Variants in MMP26 observed in about 807,000 individuals in gnomAD.
MMP26 encodes the protein matrix metalloproteinase-26.
In MMP26, 33 loss-of-function variants were observed where a neutral mutation model predicts 31.0. The ratio of observed to expected loss-of-function variants is 1.06; its 90% confidence interval spans 0.81 to 1.42. The LOEUF (loss-of-function observed/expected upper bound fraction) is 1.42, where lower values mean the gene tolerates loss of function less well. Ranked by LOEUF, MMP26 falls within the 40% of genes most tolerant of loss-of-function variation. The pLI is 0.00. For missense variants in MMP26, 347 were observed against 316.1 expected (o/e 1.10, Z -0.74); for synonymous variants, 122 against 114.9 (o/e 1.06, Z -0.40).
At chr11:4,732,081 T>G (rs181071036) in intron 1 of MMP26, among the ~76,000 whole-genome samples, 12 of 152,330 alleles carry the variant, frequency 7.9e-5, no homozygotes, top group Admixed American at 7.8e-4. Flanking sequence ...AGGGTGGGGT[T>G]AGTGGAGCAG....
chr11:4,761,369 C>G (rs1848567240), intron 1 of MMP26, among the ~76,000 whole-genome samples: 1 of 152,178 alleles, frequency 6.6e-6, no homozygotes, highest in Non-Finnish European at 1.5e-5. Flanking sequence ...TTCCCTTGCT[C>G]TTACTTACAG....
In MMP26 at chr11:4,745,692, A is replaced by G. The variant is rs564073692; in HGVS notation, c.-216-21578A>G. Among the ~76,000 whole-genome samples, 4 of 152,294 alleles carry G rather than the reference A, an allele frequency of 2.6e-5. No individual in the cohort carries two copies. The East Asian group carries it at 7.7e-4, about 29-fold the overall frequency. ...GGATTTGATGCATGTGTAATGATACATACCTTCCATTGTAGTGTCATGCAG... is the reference window on the plus strand; with the variant it reads ...GGATTTGATGCATGTGTAATGATACGTACCTTCCATTGTAGTGTCATGCAG... On this transcript the variant is annotated intron_variant, in intron 1 of 7. Transcript: ENST00000380390.
At chr11:4,968,823 C>A (rs1478309380) in intron 2 of MMP26, among the ~76,000 whole-genome samples, 1 of 151,944 alleles carries the variant, frequency 6.6e-6, no homozygotes, top group Non-Finnish European at 1.5e-5. Flanking sequence ...TCTTTACAAG[C>A]AATCTATACC....
intron 2 of MMP26, chr11:4,848,490 T>G (rs1467237197): frequency 6.2e-7 from 1 of 1,613,600 alleles, no homozygotes; most frequent in African/African-American, 1.3e-5. Flanking sequence ...CTTCCAGCGA[T>G]CCTCTCTGGA....
At chr11:4,734,234 A>G (rs911518133) in intron 1 of MMP26, among the ~76,000 whole-genome samples, 7 of 152,196 alleles carry the variant, frequency 4.6e-5, no homozygotes, top group African/African-American at 1.7e-4. Context: ...AAGAATTGAT[A>G]TTAATTTTTC....
chr11:4,714,295 C>T (rs988897829), intron 1 of MMP26, among the ~76,000 whole-genome samples: 6 of 152,130 alleles, frequency 3.9e-5, no homozygotes, highest in Admixed American at 1.3e-4. Context: ...ACATTCTATT[C>T]TGAGGAGGTT....
intron 2 of MMP26, among the ~76,000 whole-genome samples, chr11:4,880,042 T>C (rs1346848084): frequency 6.6e-6 from 1 of 152,034 alleles, no homozygotes; most frequent in Non-Finnish European, 1.5e-5. Context: ...CTCCCAGCCC[T>C]TGATGGATGG....
At chr11:4,881,112 G>C (rs1850455248) in intron 2 of MMP26, among the ~76,000 whole-genome samples, 1 of 152,142 alleles carries the variant, frequency 6.6e-6, no homozygotes. Flanking sequence ...AGAAAACCTT[G>C]ATAAATTTAG....
At chr11:4,788,603 A>G (rs2133440482) in intron 2 of MMP26, among the ~76,000 whole-genome samples, 1 of 152,236 alleles carries the variant, frequency 6.6e-6, no homozygotes, top group East Asian at 1.9e-4. Flanking sequence ...TTAACATTTG[A>G]TACAGTCAAC....
At chr11:4,932,087 G>T (rs183249439) in intron 2 of MMP26, among the ~76,000 whole-genome samples, 2 of 152,188 alleles carry the variant, frequency 1.3e-5, no homozygotes, top group Non-Finnish European at 1.5e-5. Flanking sequence ...AACAACTCCC[G>T]ATAGAGTTGT....
intron 2 of MMP26, among the ~76,000 whole-genome samples, chr11:4,810,219 T>G (rs1392537719): frequency 6.8e-6 from 1 of 147,374 alleles, no homozygotes; most frequent in Non-Finnish European, 1.5e-5. Flanking sequence ...GAATGTGATT[T>G]TATCTGTATG....
chr11:4,942,107 A>AAAAAAAAAAAAAAAAAAAAAAAAC, intron 2 of MMP26, among the ~76,000 whole-genome samples: 1 of 142,012 alleles, frequency 7.0e-6, no homozygotes, highest in East Asian at 2.1e-4. Flanking sequence ...AAAAAAAAAA[A>AAAAAAAAAAAAAAAAAAAAAAAAC]AAAGGAAGTA....
At chr11:4,709,865 C>T (rs1365003221) in intron 1 of MMP26, 2 of 457,030 alleles carry the variant, frequency 4.4e-6, no homozygotes, top group African/African-American at 2.0e-5. Flanking sequence ...TTGATGCCTG[C>T]ATTGGCCAAA....
chr11:4,868,185 G>A (rs1850262283), intron 2 of MMP26, among the ~76,000 whole-genome samples: 1 of 152,092 alleles, frequency 6.6e-6, no homozygotes, highest in Non-Finnish European at 1.5e-5. Context: ...ATAAGTGGGA[G>A]CTGAATGATG....
chr11:4,712,208 G>A (rs1847871038), intron 1 of MMP26: 1 of 152,116 alleles, frequency 6.6e-6, no homozygotes, highest in Admixed American at 6.6e-5. Context: ...ACTGTGGAAG[G>A]GAGGTACTAG....
chr11:4,786,414 GATCT>G (rs565128737), intron 2 of MMP26, among the ~76,000 whole-genome samples: 2 of 151,116 alleles, frequency 1.3e-5, no homozygotes, highest in South Asian at 2.1e-4. Context: ...AGTAGGATGG[GATCT>G]ATCAGCAATG....
chr11:4,830,008 A>G lies in MMP26; in HGVS notation c.-145+62667A>G, dbSNP rs180742935. On this transcript the variant is annotated intron_variant, in intron 2 of 7. Transcript: ENST00000380390. Reference sequence around the variant, plus strand: ...GCCTGCTCACTTAAGAGAGCTCATTATTAACAGACATTGATGAGACAAATC... The same window carrying G: ...GCCTGCTCACTTAAGAGAGCTCATTGTTAACAGACATTGATGAGACAAATC... 2.1e-3 allele frequency among the ~76,000 whole-genome samples: 325 copies of G among 152,358 alleles called. 2 individuals are homozygous for G. The highest frequency in any genetic ancestry group is 2.7e-3 in the South Asian group (13 of 4,824).
At chr11:4,927,355 T>C (rs1851287059) in intron 2 of MMP26, among the ~76,000 whole-genome samples, 2 of 152,108 alleles carry the variant, frequency 1.3e-5, no homozygotes, top group Non-Finnish European at 2.9e-5. Context: ...GTAGAAAAAC[T>C]AGTGCTTTGA....
chr11:4,730,985 C>T (rs1848166248), intron 1 of MMP26, among the ~76,000 whole-genome samples: 1 of 151,938 alleles, frequency 6.6e-6, no homozygotes, highest in Non-Finnish European at 1.5e-5. Flanking sequence ...ACTCTTTTTG[C>T]CCAGGCTGGA....
Sources: allele counts gnomAD v4.1 joint callset (sites outside exome capture counted in the v4.1 genomes callset), GRCh38; gene constraint gnomAD v4.1.1; transcripts MANE v1.5; gene names NCBI Gene and HGNC (gene_info 2026-07-23, HGNC 2026-07-21).